The following GTF2IRD1 variants were observed in gnomAD, a reference collection of about 807,000 sequenced individuals.
The protein encoded by GTF2IRD1 is GTF2I repeat domain containing 1.
Under a neutral mutation model 113.2 loss-of-function variants are expected in GTF2IRD1, and 26 were observed. That is an observed-to-expected ratio of 0.23 (90% CI 0.17 to 0.32). GTF2IRD1 has a LOEUF of 0.32. Among genes scored for constraint, GTF2IRD1 ranks in the 10% least tolerant of loss-of-function variants. GTF2IRD1 has a pLI of 1.00. For missense variants in GTF2IRD1, 864 were observed against 1,280.8 expected, an observed-to-expected ratio of 0.67 and a Z score of 4.97; for synonymous variants, 484 against 529.1, an observed-to-expected ratio of 0.91 and a Z score of 1.17.
Position 74,545,796 on chromosome 7 carries a change from C to T in GTF2IRD1, c.1719C>T (p.Phe573=), listed in dbSNP as rs782274834. Residue 573 remains phenylalanine (F), a synonymous_variant, in exon 16 of 27, where the codon TTC becomes TTT. Transcript: ENST00000424337. ...TGCGGAAGCAGGTGGAGCTGCTCTT[C>T]AACACACGATACGGTGAGCAAGAAG... ...RPLRKQVELL[F]NTRYAKAIGI... 1.2e-6 allele frequency: 2 copies of T among 1,612,604 alleles called. No homozygotes were observed. Among genetic ancestry groups the T allele is most frequent in the Non-Finnish European group, 1.7e-6 (2 of 1,178,856 alleles).
Position 74,601,249 on chromosome 7 carries a change from G to A in GTF2IRD1, c.2766+69G>A, listed in dbSNP as rs587652992. Reference sequence around the variant, plus strand: ...CCTCACCCCTCTGTCTGGCAGGGCCGTCTACTCTGGGATGTGGGCCCAGGG... The same window carrying A: ...CCTCACCCCTCTGTCTGGCAGGGCCATCTACTCTGGGATGTGGGCCCAGGG... On this transcript the variant is annotated intron_variant, in intron 26 of 26. Coordinates refer to ENST00000424337, the MANE Select transcript of GTF2IRD1 (RefSeq NM_005685.4). The A allele has an allele frequency of 1.0e-4, 161 of 1,551,492 alleles. 1 individual carries two copies. The African/African-American group carries it at 1.5e-3, about 15-fold the overall frequency.
intron 7 of GTF2IRD1, among the ~76,000 whole-genome samples, chr7:74,523,079 C>T (rs1286761413): frequency 2.0e-5 from 3 of 152,162 alleles, no homozygotes; most frequent in African/African-American, 7.2e-5. Context: ...CTTAGCCAGA[C>T]ATGGTGGTAG....
At chr7:74,518,030 G>A (rs1797053744) in intron 4 of GTF2IRD1, 109 bp from the exon 5 acceptor site, 7 of 686,434 alleles carry the variant, frequency 1.0e-5, no homozygotes, top group African/African-American at 3.6e-5. Flanking sequence ...TGGGAACCCC[G>A]CACCAAGGGG....
At chr7:74,520,951 G>A (rs1159383650) in intron 6 of GTF2IRD1, among the ~76,000 whole-genome samples, 2 of 151,142 alleles carry the variant, frequency 1.3e-5, no homozygotes, top group African/African-American at 2.4e-5. Flanking sequence ...TGTAAAACAA[G>A]TGTTCTTACC....
intron 14 of GTF2IRD1, among the ~76,000 whole-genome samples, chr7:74,543,887 A>C (rs1423260074): frequency 7.6e-6 from 1 of 131,624 alleles, no homozygotes; most frequent in Non-Finnish European, 1.6e-5. Context: ...AAAAAAAAAA[A>C]AAAAAAAAAC....
At chr7:74,510,540 C>G (rs1473727749) in intron 2 of GTF2IRD1, among the ~76,000 whole-genome samples, 1 of 150,468 alleles carries the variant, frequency 6.6e-6, no homozygotes, top group Non-Finnish European at 1.5e-5. Flanking sequence ...AACTCCTGAC[C>G]TCAGGTGATC....
intron 22 of GTF2IRD1, among the ~76,000 whole-genome samples, chr7:74,564,087 C>T (rs1800144215): frequency 6.6e-6 from 1 of 151,894 alleles, no homozygotes; most frequent in Admixed American, 6.6e-5. Context: ...AGTGCAATGG[C>T]ACAATCTTGG....
At chr7:74,500,094 G>A (rs1422252908) in intron 1 of GTF2IRD1, among the ~76,000 whole-genome samples, 2 of 152,250 alleles carry the variant, frequency 1.3e-5, no homozygotes, top group African/African-American at 4.8e-5. Context: ...GCCGTTGAGA[G>A]GCCTGGACAT....
intron 20 of GTF2IRD1, 77 bp downstream of exon 20, chr7:74,557,799 C>T (rs1469024999): frequency 3.6e-5 from 31 of 873,240 alleles, no homozygotes; most frequent in African/African-American, 1.0e-4. Flanking sequence ...CAGTTCCAGC[C>T]GAGGGCATTT....
At chr7:74,587,976 A>G (rs1242216498) in intron 22 of GTF2IRD1, among the ~76,000 whole-genome samples, 1 of 152,024 alleles carries the variant, frequency 6.6e-6, no homozygotes, top group Non-Finnish European at 1.5e-5. Flanking sequence ...GGGGATTTCC[A>G]ACAGCCCAGC....
At chr7:74,496,358 G>A (rs891089441) in intron 1 of GTF2IRD1, among the ~76,000 whole-genome samples, 1 of 149,618 alleles carries the variant, frequency 6.7e-6, no homozygotes, top group Non-Finnish European at 1.5e-5. Flanking sequence ...GTGTGTGTGG[G>A]TGCATGTGTG....
intron 17 of GTF2IRD1, among the ~76,000 whole-genome samples, chr7:74,553,175 G>C (rs1245518810): frequency 6.6e-6 from 1 of 150,818 alleles, no homozygotes; most frequent in Non-Finnish European, 1.5e-5. Context: ...CTCACTCCAG[G>C]CTGGAGTACA....
chr7:74,475,924 A>G (rs1794374976), intron 1 of GTF2IRD1, among the ~76,000 whole-genome samples: 1 of 152,148 alleles, frequency 6.6e-6, no homozygotes, highest in African/African-American at 2.4e-5. Flanking sequence ...TTGGGCCTGC[A>G]GTGGGTGCTT....
rs143927515 is a variant in GTF2IRD1 at position 74,595,081 on chromosome 7, T to C, written c.2629+30T>C. On this transcript the variant is annotated intron_variant, in intron 25 of 26. Coordinates refer to ENST00000424337, the MANE Select transcript of GTF2IRD1 (RefSeq NM_005685.4). ...GTCAGAGGTGAAGAAGCCACCCTTC[T>C]GCTCCGTGGGGACTAGAGACTGTTC... 1,606 of 1,540,690 alleles carry C rather than the reference T, an allele frequency of 1.0e-3. 21 individuals are homozygous for C. In the African/African-American group the frequency reaches 0.018, roughly 17 times the overall value.
intron 24 of GTF2IRD1, among the ~76,000 whole-genome samples, 194 bp from the exon 25 acceptor site, chr7:74,594,820 C>T (rs587663913): frequency 5.9e-5 from 9 of 151,370 alleles, no homozygotes; most frequent in Non-Finnish European, 1.3e-4. Flanking sequence ...GGCATGGTGG[C>T]GGGCGCCTGT....
At chr7:74,522,786 A>G (rs587610847) in intron 7 of GTF2IRD1, among the ~76,000 whole-genome samples, 4 of 152,356 alleles carry the variant, frequency 2.6e-5, no homozygotes, top group African/African-American at 7.2e-5. Flanking sequence ...TATCTGCAAA[A>G]TGGGACTAAT....
intron 6 of GTF2IRD1, among the ~76,000 whole-genome samples, chr7:74,520,842 C>CTACTAT (rs1797245415): frequency 1.5e-5 from 2 of 129,110 alleles, no homozygotes; most frequent in East Asian, 4.5e-4. Flanking sequence ...GTTATATATA[C>CTACTAT]TATTATTATT....
In GTF2IRD1 at chr7:74,512,753, C is replaced by T; in HGVS notation, c.124-77C>T. ...GTCTCAGGCAGCTGGGAGCTCACAT[C>T]CCACCCCCGAAGTGGATACTAGAGG... On this transcript the variant is annotated intron_variant, in intron 2 of 26. Coordinates refer to ENST00000424337, the MANE Select transcript of GTF2IRD1 (RefSeq NM_005685.4). This position sits in a 1 kb window ranked among gnomAD's most constrained non-coding sequence, Gnocchi z 4.4. 7.0e-7 allele frequency: 1 copy of T among 1,424,550 alleles called. No homozygotes were observed. The highest frequency in any genetic ancestry group is 9.7e-7 in the Non-Finnish European group (1 of 1,036,162). The allele number at this position is 1,424,550 out of a possible 1,614,324, so 88.2% of individuals were successfully genotyped here.
intron 20 of GTF2IRD1, among the ~76,000 whole-genome samples, chr7:74,558,343 G>GTTTTTTT (rs1562868915): frequency 2.7e-5 from 2 of 74,012 alleles, no homozygotes; most frequent in African/African-American, 1.0e-4. Flanking sequence ...TTTTTCTTTC[G>GTTTTTTT]TTTCTTTTTT....
Sources: allele counts gnomAD v4.1 joint callset (sites outside exome capture counted in the v4.1 genomes callset), GRCh38; gene constraint gnomAD v4.1.1; non-coding constraint Gnocchi (gnomAD v3.1); transcripts MANE v1.5; gene names NCBI Gene and HGNC (gene_info 2026-07-23, HGNC 2026-07-21).